Variants in RSBN1L observed in about 807,000 individuals in gnomAD.
The protein encoded by RSBN1L is lysine-specific demethylase RSBN1L.
RSBN1L carries 30 observed loss-of-function variants against 67.7 expected under a neutral mutation model. The observed-to-expected ratio is 0.44, with a 90% confidence interval of 0.33 to 0.60. The LOEUF is 0.60. Among genes scored for constraint, RSBN1L ranks in the 20% least tolerant of loss-of-function variants. The pLI is 0.02. For missense variants in RSBN1L, 992 were observed against 1,031.7 expected (o/e 0.96, Z 0.53); for synonymous variants, 433 against 387.0 (o/e 1.12, Z -1.39).
chr7:77,709,696 T>C (rs1790947688), intron 1 of RSBN1L, among the ~76,000 whole-genome samples: 1 of 152,170 alleles, frequency 6.6e-6, no homozygotes, highest in African/African-American at 2.4e-5. Flanking sequence ...TAATTTTCCT[T>C]ATTTGTCTTC....
chr7:77,745,994 A>G (rs6976946), intron 2 of RSBN1L, among the ~76,000 whole-genome samples: 87,412 of 151,962 alleles, frequency 0.58, 27,016 homozygotes, highest in African/African-American at 0.81. Context: ...TAATGTGAGC[A>G]ATGGGGAATG....
Position 77,736,541 on chromosome 7 carries a change from G to A in RSBN1L, c.703+15G>A, listed in dbSNP as rs1343981542. Reference sequence around the variant, plus strand: ...TTTGCTGAAAAGTAAGTTTTATTCAGTGATTTTAGTTCTACTTTATTATAC... The same window carrying A: ...TTTGCTGAAAAGTAAGTTTTATTCAATGATTTTAGTTCTACTTTATTATAC... On this transcript the variant is annotated intron_variant, in intron 2 of 7. Transcript: ENST00000334955. The A allele has an allele frequency of 1.6e-6, 2 of 1,279,478 alleles. No homozygotes were observed. Among genetic ancestry groups the A allele is most frequent in the Non-Finnish European group, 2.1e-6 (2 of 941,208 alleles). The allele number at this position is 1,279,478 out of a possible 1,614,324, so 79.3% of individuals were successfully genotyped here.
intron 1 of RSBN1L, among the ~76,000 whole-genome samples, chr7:77,714,834 G>A (rs1372539735): frequency 1.3e-5 from 2 of 151,964 alleles, no homozygotes; most frequent in East Asian, 3.9e-4. Flanking sequence ...ATGGTGGCAG[G>A]CGCCTGTAGT....
chr7:77,745,780 A>G (rs1404160268), intron 2 of RSBN1L, among the ~76,000 whole-genome samples: 1 of 152,190 alleles, frequency 6.6e-6, no homozygotes, highest in Non-Finnish European at 1.5e-5. Flanking sequence ...TAATTATATA[A>G]CTCACCATAA....
In RSBN1L at chr7:77,778,567, T is replaced by C; in HGVS notation, c.1940T>C (p.Leu647Pro). The C allele has an allele frequency of 6.2e-7, 1 of 1,613,656 alleles. No homozygotes were observed. The highest frequency in any genetic ancestry group is 8.5e-7 in the Non-Finnish European group (1 of 1,179,740). ...QWVDDAKLNQ[L>P]RREGIRYARI... ...GTTGATGATGCAAAACTGAATCAAC[T>C]GAGGAGGGAAGGCATTCGCTATGCC... Residue 647 changes from leucine to proline, a missense_variant, in exon 8 of 8, where the codon CTG becomes CCG. This residue lies in a region of RSBN1L where 55 missense variants were observed against 112.8 expected (regional missense o/e 0.49). Transcript: ENST00000334955.
At chr7:77,707,022 AT>A (rs1034017450) in intron 1 of RSBN1L, among the ~76,000 whole-genome samples, 378 of 137,600 alleles carry the variant, frequency 2.7e-3, no homozygotes, top group Admixed American at 3.4e-3. Context: ...ATTAAACTAG[AT>A]TTTTTTTTTT....
intron 4 of RSBN1L, among the ~76,000 whole-genome samples, chr7:77,767,888 G>C (rs2150432418): frequency 8.6e-6 from 1 of 116,716 alleles, no homozygotes. Flanking sequence ...GTCTCGTTCT[G>C]TCACCAGGCT....
intron 1 of RSBN1L, among the ~76,000 whole-genome samples, chr7:77,712,215 G>C (rs981601888): frequency 6.6e-6 from 1 of 151,410 alleles, no homozygotes; most frequent in African/African-American, 2.4e-5. Flanking sequence ...TTTTCACTTA[G>C]TATATACATG....
At chr7:77,736,196 A>G (rs890834124) in intron 1 of RSBN1L, among the ~76,000 whole-genome samples, 1 of 152,162 alleles carries the variant, frequency 6.6e-6, no homozygotes, top group Non-Finnish European at 1.5e-5. Flanking sequence ...TAAAATGTAT[A>G]ATGATACATT....
At chr7:77,773,789 C>T (rs929551835) in intron 6 of RSBN1L, among the ~76,000 whole-genome samples, 1 of 152,042 alleles carries the variant, frequency 6.6e-6, no homozygotes, top group African/African-American at 2.4e-5. Context: ...AAATAAATTG[C>T]TAAAATCTAG....
intron 5 of RSBN1L, among the ~76,000 whole-genome samples, chr7:77,772,650 A>C (rs909262843): frequency 1.3e-5 from 2 of 152,158 alleles, no homozygotes; most frequent in African/African-American, 2.4e-5. Context: ...TTCTTCCCTC[A>C]CTAGACAGAC....
intron 1 of RSBN1L, among the ~76,000 whole-genome samples, chr7:77,734,649 C>T (rs1274072597): frequency 2.6e-5 from 4 of 151,990 alleles, no homozygotes; most frequent in Non-Finnish European, 5.9e-5. Context: ...CCACCACATC[C>T]GGCTAATTTT....
chr7:77,701,979 T>A (rs1790824645), intron 1 of RSBN1L, among the ~76,000 whole-genome samples: 1 of 151,608 alleles, frequency 6.6e-6, no homozygotes, highest in African/African-American at 2.4e-5. Flanking sequence ...GTTTTAGCTT[T>A]TGTTTTTTTG....
chr7:77,738,111 A>G lies in RSBN1L; in HGVS notation c.703+1585A>G, dbSNP rs146393935. 4.1e-3 allele frequency among the ~76,000 whole-genome samples: 617 copies of G among 152,234 alleles called. 5 individuals carry two copies. Among genetic ancestry groups the G allele is most frequent in the African/African-American group, 0.014 (572 of 41,564 alleles). On this transcript the variant is annotated intron_variant, in intron 2 of 7. Transcript: ENST00000334955. Reference sequence around the variant, plus strand: ...GCCATTTTTTTTTCTGATTTAATCAAATAGTTTTCTTATTCATTTGAAAAT... The same window carrying G: ...GCCATTTTTTTTTCTGATTTAATCAGATAGTTTTCTTATTCATTTGAAAAT...
chr7:77,703,714 C>T (rs1790850369), intron 1 of RSBN1L, among the ~76,000 whole-genome samples: 1 of 151,990 alleles, frequency 6.6e-6, no homozygotes, highest in African/African-American at 2.4e-5. Context: ...TCTCGAACTC[C>T]TAACCTCAGG....
Position 77,723,976 on chromosome 7 carries a change from CTGTGTTGCCCAGGCTGGTCTT to C in RSBN1L, c.587-12433_587-12413del, listed in dbSNP as rs568620772. On this transcript the variant is annotated intron_variant, in intron 1 of 7. Transcript: ENST00000334955. Reference sequence around the variant, plus strand: ...TTTTTTTAATAGGGACAGGATCTCTCTGTGTTGCCCAGGCTGGTCTTGAATTTCTGGGCTCAAGCTATCCTC... The same window carrying C: ...TTTTTTTAATAGGGACAGGATCTCTCGAATTTCTGGGCTCAAGCTATCCTC... Among the ~76,000 whole-genome samples, 12 of 151,758 alleles carry C rather than the reference CTGTGTTGCCCAGGCTGGTCTT, an allele frequency of 7.9e-5. 1 individual carries two copies. The East Asian group carries it at 2.3e-3, about 29-fold the overall frequency.
At chr7:77,773,824 ATAAT>A (rs1477948299) in intron 6 of RSBN1L, among the ~76,000 whole-genome samples, 2 of 152,206 alleles carry the variant, frequency 1.3e-5, no homozygotes, top group Non-Finnish European at 2.9e-5. Flanking sequence ...GTTAACTGAA[ATAAT>A]TAATTTCATG....
intron 1 of RSBN1L, among the ~76,000 whole-genome samples, chr7:77,722,813 C>A (rs751429471): frequency 1.3e-5 from 2 of 151,902 alleles, no homozygotes; most frequent in Admixed American, 6.6e-5. Flanking sequence ...CAGTTGATTT[C>A]ATGGACTGCG....
At chr7:77,707,264 TC>T (rs1414738345) in intron 1 of RSBN1L, among the ~76,000 whole-genome samples, 7 of 152,180 alleles carry the variant, frequency 4.6e-5, no homozygotes, top group Admixed American at 3.9e-4. Context: ...CCTCAAGTGA[TC>T]CATCTGCCTT....
Sources: gnomAD v4.1 joint callset for allele counts (sites outside exome capture counted in the v4.1 genomes callset) on GRCh38, gnomAD v4.1.1 for gene constraint, gnomAD v4.1.1 regional missense constraint, MANE v1.5 for transcripts, NCBI Gene and HGNC (gene_info 2026-07-23, HGNC 2026-07-21) for gene names.